The following SMYD3 variants were observed in gnomAD, a reference collection of about 807,000 sequenced individuals.
SMYD3 encodes the protein histone-lysine N-methyltransferase SMYD3.
SMYD3 carries 36 observed loss-of-function variants against 57.7 expected under a neutral mutation model. The ratio of observed to expected loss-of-function variants is 0.62; its 90% CI spans 0.48 to 0.82. The LOEUF is 0.82. SMYD3 is among the 40% of genes least tolerant of loss of function. SMYD3 has a pLI of 0.00. For synonymous variants in SMYD3, 211 were observed against 195.0 expected (o/e 1.08, Z -0.68); for missense variants, 515 against 538.8 (o/e 0.96, Z 0.44).
At chr1:246,478,986 G>A (rs1395197643) in intron 1 of SMYD3, among the ~76,000 whole-genome samples, 1 of 151,128 alleles carries the variant, frequency 6.6e-6, no homozygotes, top group East Asian at 2.0e-4. Flanking sequence ...CTGTCCTGGA[G>A]CTGATACATA....
intron 5 of SMYD3, among the ~76,000 whole-genome samples, chr1:246,138,413 A>G (rs544079007): frequency 6.6e-6 from 1 of 151,892 alleles, no homozygotes; most frequent in Non-Finnish European, 1.5e-5. Context: ...AAACTATTTT[A>G]AAAATTTATT....
intron 10 of SMYD3, among the ~76,000 whole-genome samples, chr1:245,835,482 T>C (rs1280094700): frequency 6.6e-6 from 1 of 152,132 alleles, no homozygotes; most frequent in Non-Finnish European, 1.5e-5. Flanking sequence ...GGGATAAAAA[T>C]ACATACTTGA....
intron 4 of SMYD3, 118 bp from the exon 5 acceptor site, chr1:246,327,455 A>G: frequency 2.3e-6 from 2 of 867,838 alleles, no homozygotes; most frequent in Admixed American, 2.9e-5. Context: ...GGATTTTGAC[A>G]AAGAGCAAAT....
intron 10 of SMYD3, among the ~76,000 whole-genome samples, chr1:245,856,501 A>G (rs956284936): frequency 6.6e-6 from 1 of 152,208 alleles, no homozygotes; most frequent in Admixed American, 6.5e-5. Flanking sequence ...TCCCAAACAT[A>G]ATGGACTGTA....
At chr1:245,810,220 C>T (rs1470158671) in intron 10 of SMYD3, among the ~76,000 whole-genome samples, 1 of 152,170 alleles carries the variant, frequency 6.6e-6, no homozygotes. Flanking sequence ...TAGGTGAGGC[C>T]TCTCACCCAA....
At chr1:246,307,601 A>G (rs2065006538) in intron 5 of SMYD3, among the ~76,000 whole-genome samples, 1 of 151,638 alleles carries the variant, frequency 6.6e-6, no homozygotes, top group African/African-American at 2.4e-5. Flanking sequence ...TTGTATTTTT[A>G]GTAGAGACGG....
At chr1:246,225,424 A>G (rs1249433178) in intron 5 of SMYD3, among the ~76,000 whole-genome samples, 1 of 151,004 alleles carries the variant, frequency 6.6e-6, no homozygotes, top group Non-Finnish European at 1.5e-5. Context: ...ACTGTAATGA[A>G]GTGTCAGAAA....
At chr1:246,329,258 A>T (rs1217690390) in intron 4 of SMYD3, among the ~76,000 whole-genome samples, 1 of 152,164 alleles carries the variant, frequency 6.6e-6, no homozygotes, top group Non-Finnish European at 1.5e-5. Context: ...TCCCTGAGGA[A>T]TTGCCACACT....
At chr1:246,333,271 A>G (rs1292962547) in intron 3 of SMYD3, among the ~76,000 whole-genome samples, 3 of 152,220 alleles carry the variant, frequency 2.0e-5, no homozygotes, top group African/African-American at 7.2e-5. Flanking sequence ...GTAAGTGTAG[A>G]TGTGATAGCA....
intron 5 of SMYD3, among the ~76,000 whole-genome samples, chr1:245,936,291 T>C (rs1365065096): frequency 1.3e-5 from 2 of 152,156 alleles, no homozygotes; most frequent in Non-Finnish European, 2.9e-5. Flanking sequence ...GAAATTCTTA[T>C]AGAGCATCTC....
At chr1:246,353,549 G>C (rs1284614831) in intron 2 of SMYD3, among the ~76,000 whole-genome samples, 2 of 151,974 alleles carry the variant, frequency 1.3e-5, no homozygotes, top group Non-Finnish European at 2.9e-5. Flanking sequence ...CAAAAGCCAA[G>C]AAACAAAAGA....
chr1:246,506,621 G>C (rs2068543254), intron 1 of SMYD3, among the ~76,000 whole-genome samples: 1 of 152,100 alleles, frequency 6.6e-6, no homozygotes. Context: ...GGCCTCTGCA[G>C]GGGAGCCTGA....
At position 245,853,307 on chromosome 1, in the gene SMYD3, G is replaced by A. The variant is rs145903907; in HGVS notation, c.1076+5189C>T. 2.5e-3 allele frequency among the ~76,000 whole-genome samples: 383 copies of A among 152,302 alleles called. 1 individual carries two copies. The highest frequency in any genetic ancestry group is 4.0e-3 in the Non-Finnish European group (270 of 68,022). ...AGCCTGCCCTCTAGGAATGAGCTTCGTTGTCAGAGACAATGACACAAGCGT... is the reference window on the plus strand; with the variant it reads ...AGCCTGCCCTCTAGGAATGAGCTTCATTGTCAGAGACAATGACACAAGCGT... On this transcript the variant is annotated intron_variant, in intron 10 of 11. Transcript: ENST00000490107.
intron 10 of SMYD3, among the ~76,000 whole-genome samples, chr1:245,832,486 T>G (rs1369415267): frequency 0.14 from 108 of 788 alleles, 1 homozygote; most frequent in Non-Finnish European, 0.51. Flanking sequence ...GTTTTTTTTG[T>G]TTTTTTTTTT....
chr1:246,277,939 A>G (rs749555023), intron 5 of SMYD3, among the ~76,000 whole-genome samples: 1 of 152,242 alleles, frequency 6.6e-6, no homozygotes, highest in Admixed American at 6.5e-5. Flanking sequence ...CTTCATTGCC[A>G]TGATAATCAT....
chr1:246,164,345 G>A (rs1459861815), intron 5 of SMYD3, among the ~76,000 whole-genome samples: 7 of 152,164 alleles, frequency 4.6e-5, no homozygotes, highest in African/African-American at 1.7e-4. Flanking sequence ...ACTTGAACCC[G>A]GGAGGCGGAG....
At chr1:245,913,840 C>G (rs1329100277) in intron 8 of SMYD3, among the ~76,000 whole-genome samples, 2 of 152,014 alleles carry the variant, frequency 1.3e-5, no homozygotes, top group African/African-American at 2.4e-5. Context: ...ATTTATCTAA[C>G]ACATATAGAA....
At chr1:246,420,837 T>C (rs1177652000) in intron 1 of SMYD3, among the ~76,000 whole-genome samples, 1 of 152,222 alleles carries the variant, frequency 6.6e-6, no homozygotes, top group Non-Finnish European at 1.5e-5. Flanking sequence ...GCTGGAAAGA[T>C]AACCAACCCA....
intron 1 of SMYD3, among the ~76,000 whole-genome samples, chr1:246,396,494 T>G (rs2066675160): frequency 6.6e-6 from 1 of 152,220 alleles, no homozygotes; most frequent in Admixed American, 6.5e-5. Context: ...ACTGGACTAA[T>G]TCAGGATAAC....
Sources: allele counts gnomAD v4.1 joint callset (sites outside exome capture counted in the v4.1 genomes callset), GRCh38; gene constraint gnomAD v4.1.1; transcripts MANE v1.5; gene names NCBI Gene and HGNC (gene_info 2026-07-23, HGNC 2026-07-21).